The following ZC3H6 variants were observed in gnomAD, a reference collection of about 807,000 sequenced individuals.
ZC3H6 encodes the protein zinc finger CCCH domain-containing protein 6.
Under a neutral mutation model 107.7 loss-of-function variants are expected in ZC3H6, and 40 were observed. That is an observed-to-expected ratio of 0.37 (90% confidence interval 0.29 to 0.48). The LOEUF (loss-of-function observed/expected upper bound fraction) is 0.48, where lower values mean the gene tolerates loss of function less well. Ranked by LOEUF, ZC3H6 falls within the 20% of genes least tolerant of loss-of-function variation. ZC3H6 has a pLI of 0.98. For synonymous variants in ZC3H6, 493 were observed against 487.9 expected (o/e 1.01, Z -0.14); for missense variants, 1,267 against 1,410.4 (o/e 0.90, Z 1.63).
chr2:112,337,144 A>G lies in ZC3H6; in HGVS notation c.*4656A>G, dbSNP rs1172140173. On this transcript the variant is annotated 3_prime_UTR_variant, in exon 12 of 12. Coordinates refer to ENST00000409871, the MANE Select transcript of ZC3H6 (RefSeq NM_198581.3). ...AGCAATGTGAAGACAGATTATGGCAACTTAGGAGCTCCATGTTTCCATAAT... is the reference window on the plus strand; with the variant it reads ...AGCAATGTGAAGACAGATTATGGCAGCTTAGGAGCTCCATGTTTCCATAAT... 2 of 152,156 alleles carry G rather than the reference A, an allele frequency of 1.3e-5. No homozygotes were observed. The highest frequency in any genetic ancestry group is 2.9e-5 in the Non-Finnish European group (2 of 68,016). 9.4% of individuals were successfully genotyped at this position (152,156 alleles called of 1,614,324 possible).
intron 3 of ZC3H6, among the ~76,000 whole-genome samples, chr2:112,308,391 GTATTT>G (rs1371108570): frequency 6.3e-5 from 9 of 142,636 alleles, no homozygotes; most frequent in Non-Finnish European, 1.1e-4. Flanking sequence ...TGCCAGAGTA[GTATTT>G]TATTTTATTT....
In ZC3H6 at chr2:112,338,394, T is replaced by G. The variant is rs1215334250; in HGVS notation, c.*5906T>G. 6.6e-6 allele frequency: 1 copy of G among 152,240 alleles called. No individual in the cohort carries two copies. The highest frequency in any genetic ancestry group is 3.2e-3 in the Middle Eastern group (1 of 316). The allele number at this position is 152,240 out of a possible 1,614,324, so 9.4% of individuals were successfully genotyped here. On this transcript the variant is annotated 3_prime_UTR_variant, in exon 12 of 12. Transcript: ENST00000409871. ...CTAATTTTGGGTCTTGTATCTGGTC[T>G]TTAAACACCTTTCGTTACCCTTTGG...
intron 3 of ZC3H6, among the ~76,000 whole-genome samples, chr2:112,307,898 A>G (rs1372824323): frequency 6.6e-6 from 1 of 152,258 alleles, no homozygotes; most frequent in African/African-American, 2.4e-5. Flanking sequence ...ATTAATGTTA[A>G]GAATTTAAAA....
chr2:112,323,940 G>A (rs912836616), intron 9 of ZC3H6, among the ~76,000 whole-genome samples: 8 of 152,118 alleles, frequency 5.3e-5, no homozygotes, highest in Non-Finnish European at 1.2e-4. Context: ...TTTTAGAACA[G>A]CTAACGGTAA....
At chr2:112,283,427 AATC>A (rs1359063720) in intron 1 of ZC3H6, among the ~76,000 whole-genome samples, 1 of 151,700 alleles carries the variant, frequency 6.6e-6, no homozygotes, top group Non-Finnish European at 1.5e-5. Context: ...ATAAATAAAT[AATC>A]AAGTTCCGAG....
At chr2:112,321,893 T>A in intron 8 of ZC3H6, 28 bp downstream of exon 8, 1 of 1,059,310 alleles carries the variant, frequency 9.4e-7, no homozygotes, top group Non-Finnish European at 1.4e-6. Flanking sequence ...ACCTTGATTA[T>A]GTCTCTCCAC....
chr2:112,278,821 T>C (rs1451437801), intron 1 of ZC3H6, among the ~76,000 whole-genome samples: 1 of 152,158 alleles, frequency 6.6e-6, no homozygotes, highest in Non-Finnish European at 1.5e-5. Context: ...AGAGTCTCGC[T>C]ATATGCCTAG....
Position 112,338,136 on chromosome 2 carries a change from GAC to G in ZC3H6, c.*5652_*5653del, listed in dbSNP as rs1385474709. ...GCTAATTTTTTATATTTTTGGTAGA[GAC>G]ACAGTTTCATCATGTTGGCCCGGCT... On this transcript the variant is annotated 3_prime_UTR_variant, in exon 12 of 12. Transcript: ENST00000409871. 1 of 151,748 alleles carries G rather than the reference GAC, an allele frequency of 6.6e-6. No homozygotes were observed. Among genetic ancestry groups the G allele is most frequent in the African/African-American group, 2.4e-5 (1 of 41,262 alleles). 9.4% of individuals were successfully genotyped at this position (151,748 alleles called of 1,614,324 possible). A position where few individuals can be genotyped will look rare whatever the true frequency, so the allele number is the denominator to read the frequency against.
intron 3 of ZC3H6, among the ~76,000 whole-genome samples, chr2:112,304,109 C>T (rs920781152): frequency 7.9e-5 from 12 of 152,266 alleles, no homozygotes; most frequent in African/African-American, 2.9e-4. Context: ...TCTCTACATC[C>T]TTGCCAACGT....
intron 1 of ZC3H6, among the ~76,000 whole-genome samples, chr2:112,278,952 A>G (rs1368222807): frequency 6.6e-6 from 1 of 152,228 alleles, no homozygotes; most frequent in Non-Finnish European, 1.5e-5. Context: ...CATTTTGCAC[A>G]AGATTGTTTG....
At chr2:112,305,787 T>C (rs1676468034) in intron 3 of ZC3H6, among the ~76,000 whole-genome samples, 1 of 152,206 alleles carries the variant, frequency 6.6e-6, no homozygotes, top group African/African-American at 2.4e-5. Flanking sequence ...TTTATAACTT[T>C]TCATTTTGTC....
At chr2:112,296,181 A>G (rs1221960439) in intron 1 of ZC3H6, among the ~76,000 whole-genome samples, 1 of 152,144 alleles carries the variant, frequency 6.6e-6, no homozygotes, top group Non-Finnish European at 1.5e-5. Context: ...AAGTTTCCTT[A>G]ATACCCCTTT....
At chr2:112,316,148 C>T (rs1044271579) in intron 5 of ZC3H6, among the ~76,000 whole-genome samples, 1 of 152,148 alleles carries the variant, frequency 6.6e-6, no homozygotes, top group African/African-American at 2.4e-5. Flanking sequence ...TATAACATAC[C>T]TATCAATAAT....
Position 112,324,594 on chromosome 2 carries a change from G to C in ZC3H6, c.1783G>C (p.Ala595Pro), listed in dbSNP as rs1216727633. 1.9e-6 allele frequency: 3 copies of C among 1,611,636 alleles called. No homozygotes were observed. The highest frequency in any genetic ancestry group is 2.5e-6 in the Non-Finnish European group (3 of 1,178,690). The change falls in exon 10 of 12, where the codon GCT (alanine) becomes CCT (proline). Residue 595 changes from alanine (A) to proline (P), a missense_variant. Physicochemically the swap from Ala to Pro is conservative, Grantham distance 27. Coordinates refer to ENST00000409871, the MANE Select transcript of ZC3H6 (RefSeq NM_198581.3). ...NTNYESLQNPAEFYDNYYAQH... is the reference protein window; with the variant it reads ...NTNYESLQNPPEFYDNYYAQH... ...CAATTATGAGTCCCTGCAAAACCCAGCTGAGTTTTACGATAATTACTATGC... is the reference window on the plus strand; with the variant it reads ...CAATTATGAGTCCCTGCAAAACCCACCTGAGTTTTACGATAATTACTATGC...
At chr2:112,308,310 T>C (rs1187911282) in intron 3 of ZC3H6, among the ~76,000 whole-genome samples, 1 of 152,070 alleles carries the variant, frequency 6.6e-6, no homozygotes, top group East Asian at 1.9e-4. Context: ...GCATTTTTTC[T>C]CTATTTTATA....
intron 1 of ZC3H6, among the ~76,000 whole-genome samples, chr2:112,277,888 G>A (rs1353956352): frequency 5.3e-5 from 8 of 151,930 alleles, no homozygotes; most frequent in Non-Finnish European, 1.0e-4. Context: ...TCAGATCAAT[G>A]GTTCTAAACC....
intron 11 of ZC3H6, among the ~76,000 whole-genome samples, chr2:112,327,132 C>T (rs1676919631): frequency 6.6e-6 from 1 of 152,084 alleles, no homozygotes; most frequent in Non-Finnish European, 1.5e-5. Context: ...ATTTACTTTC[C>T]CACCAACGGT....
At chr2:112,281,599 T>C (rs1333114949) in intron 1 of ZC3H6, among the ~76,000 whole-genome samples, 1 of 152,136 alleles carries the variant, frequency 6.6e-6, no homozygotes, top group East Asian at 1.9e-4. Flanking sequence ...GAGAATAGAA[T>C]GAACCAAAGC....
intron 1 of ZC3H6, among the ~76,000 whole-genome samples, chr2:112,295,077 C>T (rs145923173): frequency 0.016 from 2,507 of 152,216 alleles, 70 homozygotes; most frequent in African/African-American, 0.057. Context: ...CTAGCATTCA[C>T]TCCCTATTTT....
Sources: allele counts gnomAD v4.1 joint callset (sites outside exome capture counted in the v4.1 genomes callset), GRCh38; gene constraint gnomAD v4.1.1; transcripts MANE v1.5; gene names NCBI Gene and HGNC (gene_info 2026-07-23, HGNC 2026-07-21).